The following NAV3 variants were observed in gnomAD, a reference collection of about 807,000 sequenced individuals.
NAV3 encodes the protein neuron navigator 3, also known as pore membrane and/or filament interacting like protein 1.
A neutral mutation model predicts 244.7 loss-of-function variants in NAV3; 87 were observed. The ratio of observed to expected loss-of-function variants is 0.36; its 90% CI spans 0.30 to 0.42. The LOEUF (loss-of-function observed/expected upper bound fraction) is 0.42, where lower values mean the gene tolerates loss of function less well. NAV3 is among the 20% of genes least tolerant of loss of function. NAV3 has a pLI of 1.00. For missense variants in NAV3, 2,663 were observed against 2,893.3 expected, an observed-to-expected ratio of 0.92 and a Z score of 1.83; for synonymous variants, 1,126 against 1,042.2, an observed-to-expected ratio of 1.08 and a Z score of -1.55.
At chr12:77,959,912 CAAAAAAAAA>C (rs57550714) in intron 3 of NAV3, among the ~76,000 whole-genome samples, 41 of 64,712 alleles carry the variant, frequency 6.3e-4, no homozygotes, top group African/African-American at 2.5e-3. Flanking sequence ...CCTGACCCGA[CAAAAAAAAA>C]AAAAAAAAAA....
chr12:78,186,006 C>A (rs1357455152), intron 31 of NAV3, among the ~76,000 whole-genome samples: 1 of 151,800 alleles, frequency 6.6e-6, no homozygotes, highest in Non-Finnish European at 1.5e-5. Flanking sequence ...TTTGGTTTCA[C>A]TTATTTGTTA....
At chr12:77,961,303 T>TAA (rs1891938630) in intron 3 of NAV3, among the ~76,000 whole-genome samples, 1 of 143,842 alleles carries the variant, frequency 7.0e-6, no homozygotes, top group African/African-American at 2.5e-5. Flanking sequence ...TACACATATG[T>TAA]ATATATTACA....
At chr12:77,660,488 C>G (rs1364899001) in intron 2 of NAV3, among the ~76,000 whole-genome samples, 1 of 152,058 alleles carries the variant, frequency 6.6e-6, no homozygotes, top group East Asian at 1.9e-4. Flanking sequence ...CCAAGTGTTT[C>G]TAGACAAATT....
chr12:77,923,901 A>G (rs1013228892), intron 1 of NAV3, among the ~76,000 whole-genome samples: 2 of 152,198 alleles, frequency 1.3e-5, no homozygotes, highest in African/African-American at 2.4e-5. Flanking sequence ...TGTAGGTACA[A>G]CACAATGATC....
intron 2 of NAV3, among the ~76,000 whole-genome samples, chr12:77,614,012 C>A (rs1484533307): frequency 6.6e-6 from 1 of 150,628 alleles, no homozygotes; most frequent in East Asian, 1.9e-4. Flanking sequence ...GGATGTGGGC[C>A]TTGCTACTGG....
intron 12 of NAV3, among the ~76,000 whole-genome samples, chr12:78,096,579 A>G (rs746340935): frequency 6.6e-6 from 1 of 152,164 alleles, no homozygotes; most frequent in African/African-American, 2.4e-5. Flanking sequence ...CACATCTTAC[A>G]TGGCTGCAGA....
At chr12:77,961,419 A>G (rs988147765) in intron 3 of NAV3, among the ~76,000 whole-genome samples, 3 of 140,390 alleles carry the variant, frequency 2.1e-5, no homozygotes, top group Non-Finnish European at 4.5e-5. Context: ...TGTTTACTAT[A>G]TTATGTATAT....
chr12:77,828,695 A>G (rs1873273223), upstream of NAV3, among the ~76,000 whole-genome samples: 1 of 152,204 alleles, frequency 6.6e-6, no homozygotes, highest in South Asian at 2.1e-4. Context: ...GGTGGTAGAT[A>G]TTACTGCAAA....
intron 23 of NAV3, 56 bp downstream of exon 23, chr12:78,159,342 TC>T: frequency 7.2e-7 from 1 of 1,392,496 alleles, no homozygotes; most frequent in Non-Finnish European, 1.0e-6. Flanking sequence ...TGCATAGGAT[TC>T]TTAAATAATA....
intron 22 of NAV3, among the ~76,000 whole-genome samples, chr12:78,152,755 G>T (rs1334125250): frequency 6.6e-6 from 1 of 151,796 alleles, no homozygotes; most frequent in Non-Finnish European, 1.5e-5. Flanking sequence ...CTTATTTATA[G>T]GATATTTTAA....
intron 1 of NAV3, among the ~76,000 whole-genome samples, chr12:77,914,359 A>T (rs898935838): frequency 1.3e-5 from 2 of 151,990 alleles, no homozygotes; most frequent in African/African-American, 4.8e-5. Context: ...TACCCAGATG[A>T]TTTATACTGC....
rs1303448415 is a variant in NAV3, at chr12:78,211,240, C to G, written c.*723C>G. The stretch of plus-strand genomic sequence containing the variant: ...CCACTCCCTTAACAAGAGTTTTATA[C>G]CAATTATTAGTCAACACTGATAAAA... On this transcript the variant is annotated 3_prime_UTR_variant, in exon 40 of 40. Transcript: ENST00000397909. The G allele has an allele frequency of 1.3e-5, 2 of 152,556 alleles. No homozygotes were observed. Among genetic ancestry groups the G allele is most frequent in the Non-Finnish European group, 2.9e-5 (2 of 68,044 alleles). 9.5% of individuals were successfully genotyped at this position (152,556 alleles called of 1,614,324 possible). A position where few individuals can be genotyped will look rare whatever the true frequency, so the allele number is the denominator to read the frequency against.
In NAV3 at chr12:77,831,369, A is replaced by G; in HGVS notation, c.-93A>G. ...TCAGGATGACTGCTAGTTTTGTTTA[A>G]AGTATTTGTTCTGGAAATACTAAAG... is the stretch of plus-strand genomic sequence containing the variant. On this transcript the variant is annotated 5_prime_UTR_variant, in exon 1 of 40. An upstream open reading frame in the 5' UTR loses its in-frame stop. Coordinates refer to ENST00000397909, the MANE Select transcript of NAV3 (RefSeq NM_001024383.2). 3 of 1,315,178 alleles carry G rather than the reference A, an allele frequency of 2.3e-6. No individual in the cohort carries two copies. Among genetic ancestry groups the G allele is most frequent in the Non-Finnish European group, 3.0e-6 (3 of 987,892 alleles). 81.5% of individuals were successfully genotyped at this position (1,315,178 alleles called of 1,614,324 possible).
intron 8 of NAV3, among the ~76,000 whole-genome samples, chr12:78,021,201 T>A (rs1877097668): frequency 6.6e-6 from 1 of 152,136 alleles, no homozygotes; most frequent in South Asian, 2.1e-4. Flanking sequence ...GTGAAACAGA[T>A]GATATGAAAG....
At chr12:78,140,823 GT>G (rs200316820) in intron 20 of NAV3, among the ~76,000 whole-genome samples, 4 of 67,598 alleles carry the variant, frequency 5.9e-5, no homozygotes, top group South Asian at 3.6e-4. Flanking sequence ...AACCAGAGAT[GT>G]TTTTTTTTAA....
At chr12:77,640,449 A>C (rs1357321942) in intron 2 of NAV3, among the ~76,000 whole-genome samples, 1 of 152,172 alleles carries the variant, frequency 6.6e-6, no homozygotes, top group Non-Finnish European at 1.5e-5. Flanking sequence ...ATCCCTGGTA[A>C]CCATCATGCT....
At chr12:77,670,332 T>C (rs770046995) in intron 2 of NAV3, among the ~76,000 whole-genome samples, 36 of 151,914 alleles carry the variant, frequency 2.4e-4, no homozygotes, top group Non-Finnish European at 1.3e-4. Flanking sequence ...AGCCCAGAAC[T>C]AGATGGATTT....
At chr12:78,032,091 A>G (rs891448601) in intron 9 of NAV3, among the ~76,000 whole-genome samples, 1 of 152,100 alleles carries the variant, frequency 6.6e-6, no homozygotes, top group Non-Finnish European at 1.5e-5. Context: ...CATGTCTGAA[A>G]CTATTTCTCC....
At chr12:77,753,646 T>G (rs1339981004) in intron 2 of NAV3, among the ~76,000 whole-genome samples, 1 of 152,150 alleles carries the variant, frequency 6.6e-6, no homozygotes, top group Non-Finnish European at 1.5e-5. Flanking sequence ...CTTGCCACAG[T>G]CAGTAGAAAA....
Sources: gnomAD v4.1 joint callset for allele counts (sites outside exome capture counted in the v4.1 genomes callset) on GRCh38, gnomAD v4.1.1 for gene constraint, MANE v1.5 for transcripts, NCBI Gene and HGNC (gene_info 2026-07-23, HGNC 2026-07-21) for gene names.